FGF14: variants seen among roughly 807,000 people sequenced by gnomAD.
FGF14 encodes the protein fibroblast growth factor 14.
Under a neutral mutation model 25.5 loss-of-function variants are expected in FGF14, and 5 were observed. The ratio of observed to expected loss-of-function variants is 0.20; its 90% CI spans 0.10 to 0.41. The LOEUF is 0.41. Ranked by LOEUF, FGF14 falls within the 10% of genes least tolerant of loss-of-function variation. FGF14 has a pLI of 1.00. For missense variants in FGF14, 222 were observed against 320.1 expected (o/e 0.69, Z 2.34); for synonymous variants, 138 against 118.3 (o/e 1.17, Z -1.08).
chr13:102,344,412 G>C (rs2057041739), intron 1 of FGF14, among the ~76,000 whole-genome samples: 1 of 152,126 alleles, frequency 6.6e-6, no homozygotes, highest in Non-Finnish European at 1.5e-5. Context: ...GCCCACTTGG[G>C]CAAAACACTA....
At chr13:102,154,375 G>C (rs1029975723) in intron 1 of FGF14, among the ~76,000 whole-genome samples, 18 of 151,538 alleles carry the variant, frequency 1.2e-4, no homozygotes, top group Admixed American at 2.0e-4. Flanking sequence ...CATTCTTAAA[G>C]AAAAGAATTT....
intron 1 of FGF14, among the ~76,000 whole-genome samples, chr13:101,969,637 T>C (rs568221998): frequency 1.3e-5 from 2 of 152,356 alleles, no homozygotes; most frequent in Non-Finnish European, 2.9e-5. Context: ...CTTGTAAGAC[T>C]ATTTTTCACC....
intron 1 of FGF14, among the ~76,000 whole-genome samples, chr13:102,037,072 CTT>C (rs1457736402): frequency 6.6e-6 from 1 of 152,050 alleles, no homozygotes; most frequent in East Asian, 1.9e-4. Context: ...AAAATTATCT[CTT>C]GAGTGTTTGA....
chr13:102,313,964 C>A (rs142812502), intron 1 of FGF14, among the ~76,000 whole-genome samples: 1 of 152,130 alleles, frequency 6.6e-6, no homozygotes, highest in Non-Finnish European at 1.5e-5. Flanking sequence ...GCAGCCATTA[C>A]GAAACAACTC....
chr13:102,349,930 G>A (rs1283664706), intron 1 of FGF14, among the ~76,000 whole-genome samples: 2 of 152,166 alleles, frequency 1.3e-5, no homozygotes, highest in Non-Finnish European at 2.9e-5. Flanking sequence ...CTGATACTAA[G>A]GGGGGAAAAT....
intron 1 of FGF14, among the ~76,000 whole-genome samples, chr13:102,275,262 T>TTCTCTCTC (rs56028235): frequency 0.017 from 1,177 of 68,926 alleles, 24 homozygotes; most frequent in African/African-American, 0.055. Flanking sequence ...CTCTCTCTCT[T>TTCTCTCTC]TCTCTCTCTC....
intron 3 of FGF14, among the ~76,000 whole-genome samples, chr13:101,782,250 T>C (rs1252960561): frequency 6.6e-6 from 1 of 152,246 alleles, no homozygotes; most frequent in African/African-American, 2.4e-5. Flanking sequence ...TGTTATATCC[T>C]ATTCATTCTT....
intron 3 of FGF14, among the ~76,000 whole-genome samples, chr13:101,749,584 T>G (rs1273437158): frequency 1.3e-5 from 2 of 152,130 alleles, no homozygotes; most frequent in African/African-American, 4.8e-5. Flanking sequence ...ACCTCCATGT[T>G]CAGAATCCAA....
chr13:102,180,059 C>A (rs746854761), intron 1 of FGF14, among the ~76,000 whole-genome samples: 2 of 152,116 alleles, frequency 1.3e-5, no homozygotes, highest in Non-Finnish European at 2.9e-5. Flanking sequence ...GCATTTCTGG[C>A]AAACAGGGAG....
At chr13:101,735,442 C>T (rs568465679) in intron 3 of FGF14, among the ~76,000 whole-genome samples, 12 of 152,038 alleles carry the variant, frequency 7.9e-5, no homozygotes, top group South Asian at 4.2e-4. Context: ...AGAGGTGACA[C>T]GTCTCTTAGA....
intron 1 of FGF14, among the ~76,000 whole-genome samples, chr13:102,162,706 T>C (rs1047573333): frequency 2.6e-4 from 40 of 152,180 alleles, no homozygotes; most frequent in African/African-American, 8.9e-4. Context: ...AATGGAATAA[T>C]AGAGACAGTA....
rs1182023732 is a variant in FGF14 at position 102,274,907 on chromosome 13, A to ATTTATTATTTATTATTT, written c.208+126563_208+126564insAAATAATAAATAATAAA. 5.2e-4 allele frequency among the ~76,000 whole-genome samples: 78 copies of ATTTATTATTTATTATTT among 151,038 alleles called. No homozygotes were observed. In the Middle Eastern group the frequency reaches 0.017, roughly 34 times the overall value. ...CGTCATTATTTAATAAATAATAAATAATTATTTATTAAATAATGACGAGTA... is the reference window on the plus strand; with the variant it reads ...CGTCATTATTTAATAAATAATAAATATTTATTATTTATTATTTATTATTTATTAAATAATGACGAGTA... On this transcript the variant is annotated intron_variant, in intron 1 of 4. Coordinates refer to the FGF14 transcript ENST00000376131.
intron 1 of FGF14, among the ~76,000 whole-genome samples, chr13:102,282,564 T>G (rs2053898982): frequency 6.6e-6 from 1 of 152,222 alleles, no homozygotes; most frequent in South Asian, 2.1e-4. Context: ...AATCTCCTCA[T>G]GCCCACACCT....
At chr13:101,733,782 A>G (rs2035984766) in intron 3 of FGF14, among the ~76,000 whole-genome samples, 1 of 151,828 alleles carries the variant, frequency 6.6e-6, no homozygotes, top group Non-Finnish European at 1.5e-5. Context: ...ATTTTTTGGC[A>G]GTAAAAATAT....
intron 1 of FGF14, among the ~76,000 whole-genome samples, chr13:102,067,721 A>G (rs767285024): frequency 5.3e-5 from 8 of 151,364 alleles, no homozygotes; most frequent in Non-Finnish European, 8.8e-5. Flanking sequence ...AGAGAGAGAG[A>G]GATTAGGGTG....
chr13:102,094,686 A>G (rs1386755803), intron 1 of FGF14, among the ~76,000 whole-genome samples: 1 of 152,190 alleles, frequency 6.6e-6, no homozygotes, highest in Non-Finnish European at 1.5e-5. Flanking sequence ...GGTAAACAGC[A>G]GCTGCCAGTC....
intron 1 of FGF14, among the ~76,000 whole-genome samples, chr13:102,396,505 T>C (rs1024411852): frequency 6.6e-6 from 1 of 152,250 alleles, no homozygotes; most frequent in Non-Finnish European, 1.5e-5. Context: ...TGTTACCATA[T>C]GTATAAAAAC....
rs145154311 is a variant in FGF14, at chr13:102,192,400, C to A, written c.208+209071G>T. Among the ~76,000 whole-genome samples the A allele has an allele frequency of 5.2e-3, 798 of 152,304 alleles. 2 individuals are homozygous for A. Among genetic ancestry groups the A allele is most frequent in the Admixed American group, 8.2e-3 (125 of 15,294 alleles). On this transcript the variant is annotated intron_variant, in intron 1 of 4. Coordinates refer to the FGF14 transcript ENST00000376131. ...AGTCCATGAGTCATTACCACGATCT[C>A]TTTATCAAATAATTGTTCAACCACA...
intron 3 of FGF14, among the ~76,000 whole-genome samples, chr13:101,776,004 C>A (rs1320406790): frequency 6.6e-6 from 1 of 152,150 alleles, no homozygotes; most frequent in Non-Finnish European, 1.5e-5. Context: ...ACACAACTTT[C>A]TGAAATTCAA....
Sources: gnomAD v4.1 joint callset for allele counts (sites outside exome capture counted in the v4.1 genomes callset) on GRCh38, gnomAD v4.1.1 for gene constraint, MANE v1.5 for transcripts, NCBI Gene and HGNC (gene_info 2026-07-23, HGNC 2026-07-21) for gene names.